FES: variants seen among roughly 807,000 people sequenced by gnomAD.
FES encodes tyrosine-protein kinase Fes/Fps.
Under a neutral mutation model 109.6 loss-of-function variants are expected in FES, and 83 were observed. The ratio of observed to expected loss-of-function variants is 0.76; its 90% CI spans 0.63 to 0.91. FES has a LOEUF of 0.91. Among genes scored for constraint, FES ranks in the 40% least tolerant of loss-of-function variants. FES has a pLI of 0.00. For synonymous variants in FES, 458 were observed against 442.1 expected (o/e 1.04, Z -0.45); for missense variants, 943 against 1,070.9 (o/e 0.88, Z 1.67).
chr15:90,891,317 G>C (rs757164397), intron 11 of FES, 126 bp downstream of exon 11: 9 of 1,221,352 alleles, frequency 7.4e-6, no homozygotes, highest in South Asian at 1.4e-5. Context: ...AGCAGGGCTG[G>C]CTGGAAGGGG....
chr15:90,893,396 G>A lies in FES; in HGVS notation c.2027G>A (p.Ser676Asn). Residue 676 changes from serine to asparagine, a missense_variant, in exon 16 of 19, where the codon AGC (serine) becomes AAC (asparagine). By Grantham distance (46) the Ser-to-Asn change is conservative. Transcript: ENST00000328850. ...DAAAGMEYLESKCCIHRDLAA... is the reference protein window; with the variant it reads ...DAAAGMEYLENKCCIHRDLAA... ...GCTGCTGGCATGGAGTACCTGGAGAGCAAGTGCTGCATCCACCGGTGAGTG... is the reference window on the plus strand; with the variant it reads ...GCTGCTGGCATGGAGTACCTGGAGAACAAGTGCTGCATCCACCGGTGAGTG... The A allele has an allele frequency of 6.4e-7, 1 of 1,554,390 alleles. No individual in the cohort carries two copies. The highest frequency in any genetic ancestry group is 1.4e-5 in the African/African-American group (1 of 73,074).
intron 18 of FES, among the ~76,000 whole-genome samples, chr15:90,894,566 CAA>C (rs935580297): frequency 6.4e-4 from 97 of 152,036 alleles, no homozygotes; most frequent in African/African-American, 2.2e-3. Flanking sequence ...GCCTGGGCGA[CAA>C]GAGTGAAACT....
At position 90,891,668 on chromosome 15, in the gene FES, G is replaced by A. The variant is rs776780422; in HGVS notation, c.1645G>A (p.Val549Met). 1 of 1,613,724 alleles carries A rather than the reference G, an allele frequency of 6.2e-7. No individual in the cohort carries two copies. Among genetic ancestry groups the A allele is most frequent in the South Asian group, 1.1e-5 (1 of 91,088 alleles). The part of the protein sequence containing the change: ...KKSGVVLHRA[V>M]PKDKWVLNHE... The stretch of plus-strand genomic sequence containing the variant: ...GAGTGGTGTTGTCCTGCACAGGGCT[G>A]TGCCCAAGGTGAGCCTGCACCCAGC... The change falls in exon 12 of 19, where the codon GTG becomes ATG. Residue 549 changes from valine to methionine, a missense_variant. Val to Met is a conservative substitution (Grantham distance 21, BLOSUM62 1). Transcript: ENST00000328850.
chr15:90,893,508 T>A, intron 16 of FES, 94 bp downstream of exon 16: 1 of 1,495,298 alleles, frequency 6.7e-7, no homozygotes, highest in Non-Finnish European at 8.9e-7. Flanking sequence ...CCATCAGGCA[T>A]CAGCTCCAGA....
chr15:90,893,468 G>A, intron 16 of FES, 54 bp downstream of exon 16: 1 of 1,512,738 alleles, frequency 6.6e-7, no homozygotes, highest in Non-Finnish European at 8.8e-7. Context: ...GAGTCAAGAG[G>A]TACCTATACC....
In FES at chr15:90,893,430, C is replaced by T; in HGVS notation, c.2045+16C>T. On this transcript the variant is annotated intron_variant, in intron 16 of 18. Transcript: ENST00000328850. ...GCATCCACCGGTGAGTGGGCGGTGG[C>T]CACGGGCCCTGCCAACACCCCCGAC... The T allele has an allele frequency of 6.5e-7, 1 of 1,528,832 alleles. No individual in the cohort carries two copies. Among genetic ancestry groups the T allele is most frequent in the South Asian group, 1.3e-5 (1 of 78,278 alleles). The allele number at this position is 1,528,832 out of a possible 1,614,324, so 94.7% of individuals were successfully genotyped here.
Position 90,893,648 on chromosome 15 carries a change from A to G in FES, c.2046-6A>G. 6.4e-7 allele frequency: 1 copy of G among 1,573,572 alleles called. No individual in the cohort carries two copies. Among genetic ancestry groups the G allele is most frequent in the Non-Finnish European group, 8.6e-7 (1 of 1,158,812 alleles). On this transcript the variant is annotated splice_polypyrimidine_tract_variant and splice_region_variant and intron_variant, in intron 16 of 18. Coordinates refer to ENST00000328850, the MANE Select transcript of FES (RefSeq NM_002005.4). Reference sequence around the variant, plus strand: ...GCCAAATGAGCCCCTGCCCTGTCTCACCCAGGGACCTGGCTGCTCGGAACT... The same window carrying G: ...GCCAAATGAGCCCCTGCCCTGTCTCGCCCAGGGACCTGGCTGCTCGGAACT...
chr15:90,891,182 G>A lies in FES; in HGVS notation c.1521G>A (p.Gln507=), dbSNP rs2033181277. The change falls in exon 11 of 19, where the codon CAG becomes CAA. Residue 507 remains glutamine (Q), a synonymous_variant. Transcript: ENST00000328850. ...GTCTGCCCCGGCACTTCATCATCCA[G>A]TCCTTGGATGTGAGTGGGGCTGGGA... ...WDGLPRHFII[Q]SLDNLYRLEG... The A allele has an allele frequency of 6.4e-7, 1 of 1,555,226 alleles. No individual in the cohort carries two copies. The highest frequency in any genetic ancestry group is 1.4e-5 in the African/African-American group (1 of 73,558).
rs1480068969 is a variant in FES at position 90,890,159 on chromosome 15, A to T, written c.1117A>T (p.Ser373Cys). Residue 373 changes from serine to cysteine, a missense_variant, in exon 9 of 19, where the codon AGC (serine) becomes TGC (cysteine). Coordinates refer to ENST00000328850, the MANE Select transcript of FES (RefSeq NM_002005.4). ...ALQGLQVALC[S>C]QAKLQAQQEL... Reference sequence around the variant, plus strand: ...GCAGGGGCTGCAGGTAGCGCTGTGCAGCCAGGCCAAGCTGCAGGCCCAGCA... The same window carrying T: ...GCAGGGGCTGCAGGTAGCGCTGTGCTGCCAGGCCAAGCTGCAGGCCCAGCA... The T allele has an allele frequency of 6.3e-7, 1 of 1,596,974 alleles. No homozygotes were observed. The highest frequency in any genetic ancestry group is 1.1e-5 in the South Asian group (1 of 90,076).
At chr15:90,885,710 G>T in intron 3 of FES, 125 bp downstream of exon 3, 1 of 1,435,264 alleles carries the variant, frequency 7.0e-7, no homozygotes, top group Non-Finnish European at 9.2e-7. Context: ...GGCCTGGCTT[G>T]CTCTAACCTT....
At chr15:90,891,398 G>A (rs2033200720) in intron 11 of FES, 156 bp from the exon 12 acceptor site, 1 of 1,131,718 alleles carries the variant, frequency 8.8e-7, no homozygotes, top group Non-Finnish European at 1.3e-6. Flanking sequence ...TGGGGCAGCA[G>A]GATGTCATGT....
intron 9 of FES, 23 bp from the exon 10 acceptor site, chr15:90,890,378 C>T: frequency 1.2e-6 from 2 of 1,610,606 alleles, no homozygotes; most frequent in Non-Finnish European, 1.7e-6. Flanking sequence ...TGGCCACCCG[C>T]TGACGTCTGT....
intron 5 of FES, among the ~76,000 whole-genome samples, chr15:90,888,776 ATTT>A: frequency 6.6e-6 from 1 of 151,102 alleles, no homozygotes; most frequent in Non-Finnish European, 1.5e-5. Flanking sequence ...TTATTTATTT[ATTT>A]ATTTATTTAT....
chr15:90,891,313 G>T lies in FES; in HGVS notation c.1530+122G>T. 2.3e-6 allele frequency: 3 copies of T among 1,280,414 alleles called. No homozygotes were observed. In the South Asian group the frequency reaches 4.1e-5, roughly 18 times the overall value. The allele number at this position is 1,280,414 out of a possible 1,614,324, so 79.3% of individuals were successfully genotyped here. A position where few individuals can be genotyped will look rare whatever the true frequency, so the allele number is the denominator to read the frequency against. On this transcript the variant is annotated intron_variant, in intron 11 of 18. Transcript: ENST00000328850. The stretch of plus-strand genomic sequence containing the variant: ...AGGTCTTGGATGCCTCCCTAGCAGG[G>T]CTGGCTGGAAGGGGCCACAGAGACC...
intron 3 of FES, among the ~76,000 whole-genome samples, chr15:90,886,178 A>T (rs57616117): frequency 0.051 from 7,801 of 152,274 alleles, 698 homozygotes; most frequent in African/African-American, 0.18. Flanking sequence ...CTTGCCATGG[A>T]CCCACAGCGG....
chr15:90,890,477 A>G lies in FES; in HGVS notation c.1313A>G (p.Lys438Arg), dbSNP rs756281605. Residue 438 changes from lysine (K) to arginine (R), a missense_variant, in exon 10 of 19, where the codon AAG (lysine) becomes AGG (arginine). Lys to Arg is a conservative substitution (Grantham distance 26, BLOSUM62 2). Coordinates refer to ENST00000328850, the MANE Select transcript of FES (RefSeq NM_002005.4). ...CACATCTCAGGAATCTTCCGCCCCA[A>G]GTTCTCGGTGAGTGGCGCCCAGCCT... is the stretch of plus-strand genomic sequence containing the variant. The part of the protein sequence containing the change: ...KSHISGIFRP[K>R]FSLPPPLQLI... The G allele has an allele frequency of 2.4e-5, 38 of 1,611,716 alleles. No individual in the cohort carries two copies. The highest frequency in any genetic ancestry group is 3.0e-5 in the Non-Finnish European group (35 of 1,179,542).
Position 90,895,393 on chromosome 15 carries a change from GT to G in FES, c.2327-22del, listed in dbSNP as rs749235333. 2.0e-6 allele frequency: 3 copies of G among 1,499,076 alleles called. No homozygotes were observed. In the South Asian group the frequency reaches 4.0e-5, roughly 20 times the overall value. 92.9% of individuals were successfully genotyped at this position (1,499,076 alleles called of 1,614,324 possible). ...CCCTCAAACTCCCTCCTCATGCCTGGTGTGCTGTGCCTCTCCTCACAGGGGG... is the reference window on the plus strand; with the variant it reads ...CCCTCAAACTCCCTCCTCATGCCTGGGTGCTGTGCCTCTCCTCACAGGGGG... On this transcript the variant is annotated intron_variant, in intron 18 of 18. Transcript: ENST00000328850.
intron 11 of FES, 110 bp downstream of exon 11, chr15:90,891,301 C>A: frequency 7.5e-7 from 1 of 1,341,784 alleles, no homozygotes; most frequent in Non-Finnish European, 1.0e-6. Context: ...TCTTGGATGC[C>A]TCCCTAGCAG....
At position 90,893,131 on chromosome 15, in the gene FES, G is replaced by A. The variant is rs374728358; in HGVS notation, c.1858G>A (p.Val620Met). 5.0e-6 allele frequency: 8 copies of A among 1,613,804 alleles called. No individual in the cohort carries two copies. The highest frequency in any genetic ancestry group is 4.0e-5 in the African/African-American group (3 of 74,924). Residue 620 changes from valine (V) to methionine (M), a missense_variant, in exon 15 of 19, where the codon GTG becomes ATG. Transcript: ENST00000328850. Reference protein sequence around the residue: ...ILKQYSHPNIVRLIGVCTQKQ... With the variant: ...ILKQYSHPNIMRLIGVCTQKQ... The stretch of plus-strand genomic sequence containing the variant: ...GAAGCAGTACAGCCACCCCAACATC[G>A]TGCGTCTCATTGGTGTCTGCACCCA...
Sources: gnomAD v4.1 joint callset for allele counts (sites outside exome capture counted in the v4.1 genomes callset) on GRCh38, gnomAD v4.1.1 for gene constraint, MANE v1.5 for transcripts, NCBI Gene and HGNC (gene_info 2026-07-23, HGNC 2026-07-21) for gene names.